SYN3: variants seen among roughly 807,000 people sequenced by gnomAD.
The protein encoded by SYN3 is synapsin III, also known as synapsin-3.
In SYN3, 35 loss-of-function variants were observed where a neutral mutation model predicts 65.8. That is an observed-to-expected ratio of 0.53 (90% CI 0.41 to 0.70). SYN3 has a LOEUF of 0.70. SYN3 is among the 30% of genes least tolerant of loss of function. The probability of loss-of-function intolerance (pLI) is 0.00; values close to 1 mark genes in which losing one functional copy is unlikely to be tolerated. For missense variants in SYN3, 680 were observed against 749.0 expected (o/e 0.91, Z 1.08); for synonymous variants, 270 against 292.9 (o/e 0.92, Z 0.80).
chr22:33,014,136 G>C (rs1052024465), intron 1 of SYN3, among the ~76,000 whole-genome samples: 8 of 151,028 alleles, frequency 5.3e-5, no homozygotes, highest in African/African-American at 1.5e-4. Flanking sequence ...GGCTGGTCTC[G>C]AGCTCCCGGC....
At chr22:32,804,607 G>A (rs552766234) in intron 6 of SYN3, among the ~76,000 whole-genome samples, 1 of 152,290 alleles carries the variant, frequency 6.6e-6, no homozygotes, top group Non-Finnish European at 1.5e-5. Context: ...GGGGCTGCCC[G>A]ATGGCCTTTC....
At chr22:32,903,118 T>C in intron 4 of SYN3, among the ~76,000 whole-genome samples, 1 of 152,132 alleles carries the variant, frequency 6.6e-6, no homozygotes, top group Non-Finnish European at 1.5e-5. Flanking sequence ...TGGTGGGGAC[T>C]CTGGTGAGCT....
intron 4 of SYN3, among the ~76,000 whole-genome samples, chr22:32,920,762 G>T (rs527876064): frequency 3.3e-5 from 5 of 152,168 alleles, no homozygotes; most frequent in Non-Finnish European, 7.4e-5. Context: ...GGTCCCTGTT[G>T]GCAGCATCAA....
chr22:32,836,827 G>T (rs150434519), intron 6 of SYN3, among the ~76,000 whole-genome samples: 1 of 152,278 alleles, frequency 6.6e-6, no homozygotes, highest in East Asian at 1.9e-4. Flanking sequence ...CACATGAAGG[G>T]TAAGTTATAG....
chr22:32,596,714 A>G lies in SYN3; in HGVS notation c.734T>C (p.Val245Ala). The G allele has an allele frequency of 1.9e-6, 3 of 1,613,996 alleles. No homozygotes were observed. Among genetic ancestry groups the G allele is most frequent in the Non-Finnish European group, 2.5e-6 (3 of 1,179,930 alleles). ...KPMVTAPHFP[V>A]VVKLGHAHAG... ...GTGGGCATGTCCCAGCTTGACTACC[A>G]CCGGGAAGTGTGGGGCTGTGACCTG... Residue 245 changes from valine (V) to alanine (A), a missense_variant, in exon 7 of 14, where the codon GTG becomes GCG. Coordinates refer to ENST00000358763, the MANE Select transcript of SYN3 (RefSeq NM_003490.4).
At chr22:32,861,238 C>T (rs1379767835) in intron 6 of SYN3, 1 of 151,902 alleles carries the variant, frequency 6.6e-6, no homozygotes, top group African/African-American at 2.4e-5. Context: ...AGTGCCCAGG[C>T]AAGGTGCTTG....
chr22:32,645,714 C>A (rs1170026092), intron 6 of SYN3, among the ~76,000 whole-genome samples: 1 of 152,138 alleles, frequency 6.6e-6, no homozygotes, highest in African/African-American at 2.4e-5. Flanking sequence ...TGCTCCCTGC[C>A]CTCTGCTTTT....
chr22:32,544,236 C>T (rs571670605), intron 7 of SYN3, among the ~76,000 whole-genome samples: 1 of 152,322 alleles, frequency 6.6e-6, no homozygotes, highest in South Asian at 2.1e-4. Flanking sequence ...CTGCGCCTGG[C>T]CCCTATTATG....
At position 32,745,491 on chromosome 22, in the gene SYN3, G is replaced by A. The variant is rs76834882; in HGVS notation, c.711+119424C>T. On this transcript the variant is annotated intron_variant, in intron 6 of 13. Coordinates refer to ENST00000358763, the MANE Select transcript of SYN3 (RefSeq NM_003490.4). ...CTTTCCTTTCTTGTCCAGGGAATGT[G>A]CAGCTTTGGGCAGGGGCCTTGTCAG... Among the ~76,000 whole-genome samples the A allele has an allele frequency of 4.9e-4, 74 of 152,306 alleles. No individual in the cohort carries two copies. In the East Asian group the frequency reaches 0.013, roughly 27 times the overall value.
intron 6 of SYN3, among the ~76,000 whole-genome samples, chr22:32,855,156 C>T (rs1023001775): frequency 2.0e-5 from 3 of 152,238 alleles, no homozygotes; most frequent in Non-Finnish European, 4.4e-5. Flanking sequence ...ACGCTGAGAA[C>T]TGAGGGGATA....
At chr22:33,046,794 G>A (rs2054072330) in intron 1 of SYN3, among the ~76,000 whole-genome samples, 1 of 137,928 alleles carries the variant, frequency 7.3e-6, no homozygotes, top group South Asian at 2.4e-4. Flanking sequence ...AGTGAGGTGA[G>A]ACCACACCAC....
At position 32,955,255 on chromosome 22, in the gene SYN3, C is replaced by T. The variant is rs1033787242; in HGVS notation, c.370-23774G>A. ...TTCCTATCACAGCTCCAGCTAAGCA[C>T]CAGACACTTTGAAAGGCCAGCGGGT... On this transcript the variant is annotated intron_variant, in intron 3 of 13. Coordinates refer to ENST00000358763, the MANE Select transcript of SYN3 (RefSeq NM_003490.4). Among the ~76,000 whole-genome samples the T allele has an allele frequency of 3.3e-5, 5 of 152,216 alleles. 1 individual carries two copies.
chr22:32,953,673 C>A (rs2051359423), intron 3 of SYN3, among the ~76,000 whole-genome samples: 1 of 152,012 alleles, frequency 6.6e-6, no homozygotes, highest in Non-Finnish European at 1.5e-5. Flanking sequence ...AAGATGAGAT[C>A]AGAGAGGGGA....
chr22:32,694,600 G>T (rs2060711064), intron 6 of SYN3, among the ~76,000 whole-genome samples: 1 of 152,124 alleles, frequency 6.6e-6, no homozygotes, highest in African/African-American at 2.4e-5. Flanking sequence ...GAAGGCAGTT[G>T]AAAAATATGG....
chr22:32,644,786 T>C (rs1271823560), intron 6 of SYN3, among the ~76,000 whole-genome samples: 1 of 152,156 alleles, frequency 6.6e-6, no homozygotes, highest in Non-Finnish European at 1.5e-5. Flanking sequence ...CCCTCATTCC[T>C]GGGGTGGCTG....
intron 3 of SYN3, among the ~76,000 whole-genome samples, chr22:32,948,605 C>T (rs1420826794): frequency 1.3e-5 from 2 of 151,906 alleles, no homozygotes; most frequent in African/African-American, 2.4e-5. Flanking sequence ...GGCGTGGTGG[C>T]GGGTGCCTGT....
intron 6 of SYN3, among the ~76,000 whole-genome samples, chr22:32,667,594 A>G (rs1385039963): frequency 1.3e-5 from 2 of 151,960 alleles, no homozygotes; most frequent in Admixed American, 1.3e-4. Context: ...GCACATTTTT[A>G]TTTGCTAAAT....
intron 4 of SYN3, among the ~76,000 whole-genome samples, chr22:32,919,541 T>C (rs1315689905): frequency 6.6e-6 from 1 of 152,176 alleles, no homozygotes; most frequent in Non-Finnish European, 1.5e-5. Flanking sequence ...CACACACAGG[T>C]ACCTGGGAGT....
At chr22:32,575,554 A>G (rs1194613968) in intron 7 of SYN3, among the ~76,000 whole-genome samples, 1 of 152,138 alleles carries the variant, frequency 6.6e-6, no homozygotes, top group Non-Finnish European at 1.5e-5. Context: ...CTGAGGCCAC[A>G]TTTGAGGATC....
Sources: gnomAD v4.1 joint callset for allele counts (sites outside exome capture counted in the v4.1 genomes callset) on GRCh38, gnomAD v4.1.1 for gene constraint, MANE v1.5 for transcripts, NCBI Gene and HGNC (gene_info 2026-07-23, HGNC 2026-07-21) for gene names.